CLCN1: variants seen among roughly 807,000 people sequenced by gnomAD.
CLCN1 encodes chloride voltage-gated channel 1, also known as chloride channel protein 1.
Under a neutral mutation model 114.5 loss-of-function variants are expected in CLCN1, and 100 were observed. That is an observed-to-expected ratio of 0.87 (90% CI 0.74 to 1.03). The LOEUF (loss-of-function observed/expected upper bound fraction) is 1.03. Ranked by LOEUF, CLCN1 falls within the 50% of genes least tolerant of loss-of-function variation. The pLI is 0.00. For missense variants in CLCN1, 1,188 were observed against 1,250.0 expected (o/e 0.95, Z 0.75); for synonymous variants, 485 against 487.1 (o/e 1.00, Z 0.06).
At chr7:143,342,175 T>C in intron 15 of CLCN1, 33 bp downstream of exon 15, 3 of 1,598,166 alleles carry the variant, frequency 1.9e-6, no homozygotes, top group Non-Finnish European at 2.6e-6. Flanking sequence ...AGTTCAGATC[T>C]GATGGGGAGA....
intron 16 of CLCN1, among the ~76,000 whole-genome samples, chr7:143,344,343 A>G (rs1336152040): frequency 6.6e-6 from 1 of 152,228 alleles, no homozygotes; most frequent in Non-Finnish European, 1.5e-5. Context: ...GCCTTGTTAT[A>G]GGTATCTACT....
chr7:143,351,621 A>G lies in CLCN1; in HGVS notation c.2623A>G (p.Lys875Glu), dbSNP rs1247908461. ...ELQKAIEGHT[K>E]SGVQLRPPLA... is the part of the protein sequence containing the mutation. The stretch of plus-strand genomic sequence containing the variant: ...ACAGAAGGCCATTGAGGGGCACACC[A>G]AGTCTGGGGTGCAGCTCCGCCCTCC... The change falls in exon 23 of 23, where the codon AAG becomes GAG. Residue 875 changes from lysine (K) to glutamate (E), a missense_variant. Lys to Glu is a moderately conservative substitution (Grantham distance 56). Coordinates refer to ENST00000343257, the MANE Select transcript of CLCN1 (RefSeq NM_000083.3). 4 of 1,613,862 alleles carry G rather than the reference A, an allele frequency of 2.5e-6. No homozygotes were observed. The highest frequency in any genetic ancestry group is 3.4e-6 in the Non-Finnish European group (4 of 1,179,994).
chr7:143,346,604 C>T lies in CLCN1; in HGVS notation c.2310C>T (p.Ser770=). ...PAGQRPSIFQ[S]LLHCLLGRAR... is the part of the protein sequence containing the mutation. Reference sequence around the variant, plus strand: ...GTCAAAGACCCTCCATCTTCCAGTCCCTGCTTCACTGCTTGCTGGGCAGAG... The same window carrying T: ...GTCAAAGACCCTCCATCTTCCAGTCTCTGCTTCACTGCTTGCTGGGCAGAG... Residue 770 remains serine, a synonymous_variant, in exon 19 of 23, where the codon TCC becomes TCT. Coordinates refer to ENST00000343257, the MANE Select transcript of CLCN1 (RefSeq NM_000083.3). 6.2e-7 allele frequency: 1 copy of T among 1,613,934 alleles called. No homozygotes were observed. The highest frequency in any genetic ancestry group is 2.2e-5 in the East Asian group (1 of 44,872).
intron 12 of CLCN1, among the ~76,000 whole-genome samples, chr7:143,334,055 AAC>A (rs1240853710): frequency 6.6e-6 from 1 of 152,148 alleles, no homozygotes; most frequent in East Asian, 1.9e-4. Context: ...CTCTACTAAA[AAC>A]ACAAAATTAA....
chr7:143,339,768 C>G lies in CLCN1; in HGVS notation c.1582+147C>G. 1 of 681,144 alleles carries G rather than the reference C, an allele frequency of 1.5e-6. No individual in the cohort carries two copies. Among genetic ancestry groups the G allele is most frequent in the East Asian group, 2.7e-5 (1 of 36,422 alleles). The allele number at this position is 681,144 out of a possible 1,614,324, so 42.2% of individuals were successfully genotyped here. ...ACTCAACTTTTACTCAGATAACATACCCATGGCTCTGACTCTCATTATTTC... is the reference window on the plus strand; with the variant it reads ...ACTCAACTTTTACTCAGATAACATAGCCATGGCTCTGACTCTCATTATTTC... On this transcript the variant is annotated intron_variant, in intron 14 of 22. Transcript: ENST00000343257. The surrounding 1 kb of genome is among the most constrained non-coding windows in gnomAD (Gnocchi z 4.1).
In CLCN1 at chr7:143,332,411, T is replaced by C; in HGVS notation, c.1167-8T>C. Reference sequence around the variant, plus strand: ...GAATTGTGGCGGTTAACTCTGTTTCTTTTTCAGCCGCCTGCTGTATCCTGG... The same window carrying C: ...GAATTGTGGCGGTTAACTCTGTTTCCTTTTCAGCCGCCTGCTGTATCCTGG... On this transcript the variant is annotated splice_polypyrimidine_tract_variant and splice_region_variant and intron_variant, in intron 10 of 22. Coordinates refer to ENST00000343257, the MANE Select transcript of CLCN1 (RefSeq NM_000083.3). 2 of 1,612,538 alleles carry C rather than the reference T, an allele frequency of 1.2e-6. No individual in the cohort carries two copies. The highest frequency in any genetic ancestry group is 1.7e-6 in the Non-Finnish European group (2 of 1,178,506).
At chr7:143,341,678 T>C (rs949398707) in intron 14 of CLCN1, among the ~76,000 whole-genome samples, 1 of 152,128 alleles carries the variant, frequency 6.6e-6, no homozygotes, top group African/African-American at 2.4e-5. Context: ...CATCACTATC[T>C]TCATATTATA....
rs1043694409 is a variant in CLCN1 at position 143,350,985 on chromosome 7, G to C, written c.2595+331G>C. Among the ~76,000 whole-genome samples, 1 of 151,978 alleles carries C rather than the reference G, an allele frequency of 6.6e-6. No individual in the cohort carries two copies. The highest frequency in any genetic ancestry group is 1.5e-5 in the Non-Finnish European group (1 of 67,972). On this transcript the variant is annotated intron_variant, in intron 22 of 22. Transcript: ENST00000343257. This position sits in a 1 kb window ranked among gnomAD's most constrained non-coding sequence, Gnocchi z 5.1. ...TAGAGACGGGGTTTTGCCATGTTGG[G>C]CAGGCTAGTCTCAAACTCCTGACCT...
intron 1 of CLCN1, among the ~76,000 whole-genome samples, chr7:143,318,788 C>A (rs944077226): frequency 6.6e-6 from 1 of 152,196 alleles, no homozygotes; most frequent in African/African-American, 2.4e-5. Context: ...GGGTCCCACG[C>A]AGGGTTTGGA....
rs201327261 is a variant in CLCN1, at chr7:143,316,226, G to T, written c.14G>T (p.Arg5Leu). 2.5e-6 allele frequency: 4 copies of T among 1,613,244 alleles called. No homozygotes were observed. The East Asian group carries it at 8.9e-5, about 36-fold the overall frequency. MEQS[R>L]SQQRGGEQSW... is the part of the protein sequence containing the mutation. ...GGGGGAGGGAATATGGAGCAATCCC[G>T]GTCACAGCAGCGTGGGGGTGAACAA... is the stretch of plus-strand genomic sequence containing the variant. The change falls in exon 1 of 23, where the codon CGG becomes CTG. Residue 5 changes from arginine to leucine, a missense_variant. Arg to Leu is a moderately radical substitution (Grantham distance 102, BLOSUM62 -2). Transcript: ENST00000343257.
chr7:143,350,371 G>C lies in CLCN1; in HGVS notation c.2404-1G>C. On this transcript the variant is annotated splice_acceptor_variant, in intron 20 of 22. Coordinates refer to ENST00000343257, the MANE Select transcript of CLCN1 (RefSeq NM_000083.3). LOFTEE classifies it high-confidence loss of function. This position sits in a 1 kb window ranked among gnomAD's most constrained non-coding sequence, Gnocchi z 5.1. ...CGTGACTTTCCTCCTCTGGCTGACAGATTGAGGCCTGGGAGCAGGAGCAGC... is the reference window on the plus strand; with the variant it reads ...CGTGACTTTCCTCCTCTGGCTGACACATTGAGGCCTGGGAGCAGGAGCAGC... The C allele has an allele frequency of 6.2e-7, 1 of 1,613,358 alleles. No individual in the cohort carries two copies. Among genetic ancestry groups the C allele is most frequent in the Non-Finnish European group, 8.5e-7 (1 of 1,179,436 alleles).
At chr7:143,351,514 C>T (rs1803400943) in intron 22 of CLCN1, 80 bp from the exon 23 acceptor site, 6 of 1,489,960 alleles carry the variant, frequency 4.0e-6, no homozygotes, top group Non-Finnish European at 5.5e-6. Context: ...TGTACCTGTT[C>T]TTTTCTGTGT....
At chr7:143,351,040 A>G (rs1044815417) in intron 22 of CLCN1, among the ~76,000 whole-genome samples, 2 of 152,120 alleles carry the variant, frequency 1.3e-5, no homozygotes, top group African/African-American at 4.8e-5. Context: ...GGCTTCCCAA[A>G]ATGCTGCGAT....
At chr7:143,318,329 TCTC>T (rs1802342247) in intron 1 of CLCN1, among the ~76,000 whole-genome samples, 1 of 152,144 alleles carries the variant, frequency 6.6e-6, no homozygotes, top group African/African-American at 2.4e-5. Context: ...TTCAAGCAAT[TCTC>T]CTGCCTCCGC....
intron 9 of CLCN1, 59 bp downstream of exon 9, chr7:143,331,375 TG>T: frequency 7.5e-7 from 1 of 1,334,008 alleles, no homozygotes; most frequent in South Asian, 1.2e-5. Flanking sequence ...GGCTGTAGAT[TG>T]GAAGGGACCC....
At chr7:143,340,066 A>C (rs560659283) in intron 14 of CLCN1, among the ~76,000 whole-genome samples, 8 of 152,200 alleles carry the variant, frequency 5.3e-5, no homozygotes, top group Non-Finnish European at 1.2e-4. Flanking sequence ...GTTACCAGTC[A>C]CCATGAAGCA....
intron 15 of CLCN1, 51 bp downstream of exon 15, chr7:143,342,193 G>A: frequency 1.9e-6 from 3 of 1,574,446 alleles, no homozygotes; most frequent in African/African-American, 1.3e-5. Context: ...AGAGTGGGAG[G>A]TTCTGAGGCT....
rs922819878 is a variant in CLCN1 at position 143,332,838 on chromosome 7, G to A, written c.1366G>A (p.Val456Ile). 1.2e-6 allele frequency: 2 copies of A among 1,614,036 alleles called. No homozygotes were observed. Among genetic ancestry groups the A allele is most frequent in the African/African-American group, 1.3e-5 (1 of 74,900 alleles). Residue 456 changes from valine to isoleucine, a missense_variant, in exon 12 of 23, where the codon GTT (valine) becomes ATT (isoleucine). Val to Ile is a conservative substitution (Grantham distance 29). Transcript: ENST00000343257. Reference protein sequence around the residue: ...SAVWIHPRVNVVIIIFLFFVM... With the variant: ...SAVWIHPRVNIVIIIFLFFVM... ...TGTGTGGATTCACCCCCGGGTCAAC[G>A]TTGTCATCATCATCTTTCTCTTCTT...
intron 7 of CLCN1, among the ~76,000 whole-genome samples, chr7:143,327,829 T>C (rs1802614377): frequency 6.6e-6 from 1 of 152,102 alleles, no homozygotes; most frequent in Non-Finnish European, 1.5e-5. Context: ...AATTTTTGTA[T>C]TTTTTAGTAG....
Sources: gnomAD v4.1 joint callset for allele counts (sites outside exome capture counted in the v4.1 genomes callset) on GRCh38, gnomAD v4.1.1 for gene constraint, Gnocchi (gnomAD v3.1) non-coding constraint, MANE v1.5 for transcripts, NCBI Gene and HGNC (gene_info 2026-07-23, HGNC 2026-07-21) for gene names.